GALNT7: variants seen among roughly 807,000 people sequenced by gnomAD.
GALNT7 encodes the protein polypeptide N-acetylgalactosaminyltransferase 7, also known as N-acetylgalactosaminyltransferase 7.
A neutral mutation model predicts 82.1 loss-of-function variants in GALNT7; 60 were observed. The ratio of observed to expected loss-of-function variants is 0.73; its 90% confidence interval spans 0.59 to 0.91. GALNT7 has a LOEUF of 0.91. Ranked by LOEUF, GALNT7 falls within the 40% of genes least tolerant of loss-of-function variation. The pLI, the probability that GALNT7 is intolerant of heterozygous loss-of-function variation, is 0.00. For synonymous variants in GALNT7, 243 were observed against 275.1 expected, an observed-to-expected ratio of 0.88 and a Z score of 1.15; for missense variants, 660 against 804.2, an observed-to-expected ratio of 0.82 and a Z score of 2.17.
At chr4:173,263,945 C>T (rs1561179899) in intron 2 of GALNT7, among the ~76,000 whole-genome samples, 1 of 152,164 alleles carries the variant, frequency 6.6e-6, no homozygotes, top group African/African-American at 2.4e-5. Flanking sequence ...TTCTAAACTG[C>T]TAGCTCATTG....
At chr4:173,296,520 C>T (rs1274590274) in intron 5 of GALNT7, among the ~76,000 whole-genome samples, 3 of 152,062 alleles carry the variant, frequency 2.0e-5, no homozygotes, top group Non-Finnish European at 4.4e-5. Flanking sequence ...ATGTGAAGGC[C>T]GAACATGAAC....
chr4:173,181,599 A>G lies in GALNT7; in HGVS notation c.126+12638A>G, dbSNP rs1163254868. 3.3e-5 allele frequency among the ~76,000 whole-genome samples: 5 copies of G among 152,342 alleles called. No homozygotes were observed. The South Asian group carries it at 8.3e-4, about 25-fold the overall frequency. On this transcript the variant is annotated intron_variant, in intron 1 of 11. Coordinates refer to ENST00000265000, the MANE Select transcript of GALNT7 (RefSeq NM_017423.3). ...TAGACTCTAAATCATGGCACATGTAACACTTCTATTTTAAAATAAATGTAG... is the reference window on the plus strand; with the variant it reads ...TAGACTCTAAATCATGGCACATGTAGCACTTCTATTTTAAAATAAATGTAG...
At chr4:173,213,042 A>T (rs1016154941) in intron 1 of GALNT7, among the ~76,000 whole-genome samples, 1 of 152,288 alleles carries the variant, frequency 6.6e-6, no homozygotes, top group African/African-American at 2.4e-5. Flanking sequence ...ACTGGGAAGT[A>T]TGAGTTACTA....
Position 173,317,739 on chromosome 4 carries a change from C to T in GALNT7, c.1707+7C>T, listed in dbSNP as rs149648286. 3.2e-6 allele frequency: 5 copies of T among 1,560,074 alleles called. No homozygotes were observed. Among genetic ancestry groups the T allele is most frequent in the Non-Finnish European group, 4.4e-6 (5 of 1,131,100 alleles). On this transcript the variant is annotated splice_region_variant and intron_variant, in intron 10 of 11. Transcript: ENST00000265000. Reference sequence around the variant, plus strand: ...CAGGATGGGAGGGAATCAGGTAAACCACCTTACTTTTGTGTTTAAGTTGTT... The same window carrying T: ...CAGGATGGGAGGGAATCAGGTAAACTACCTTACTTTTGTGTTTAAGTTGTT...
chr4:173,169,572 C>A (rs1453732395), intron 1 of GALNT7: 1 of 151,620 alleles, frequency 6.6e-6, no homozygotes, highest in African/African-American at 2.4e-5. Context: ...TTACGGAGAG[C>A]GCGCCTCCCC....
chr4:173,281,546 C>G (rs925374533), intron 2 of GALNT7, among the ~76,000 whole-genome samples: 1 of 152,166 alleles, frequency 6.6e-6, no homozygotes, highest in African/African-American at 2.4e-5. Context: ...CATGTGGAAA[C>G]GTCTGGGCTC....
At chr4:173,183,632 C>T (rs1231823157) in intron 1 of GALNT7, among the ~76,000 whole-genome samples, 3 of 152,166 alleles carry the variant, frequency 2.0e-5, no homozygotes, top group Admixed American at 6.5e-5. Flanking sequence ...AAACCGCCAT[C>T]GTCATCATGG....
At chr4:173,209,500 C>T (rs549265518) in intron 1 of GALNT7, among the ~76,000 whole-genome samples, 1 of 152,320 alleles carries the variant, frequency 6.6e-6, no homozygotes, top group African/African-American at 2.4e-5. Context: ...GAACATATAC[C>T]TTCACTGACA....
chr4:173,172,437 A>G (rs115290959), intron 1 of GALNT7, among the ~76,000 whole-genome samples: 2,070 of 151,970 alleles, frequency 0.014, 39 homozygotes, highest in East Asian at 0.057. Context: ...CACTTGCCCA[A>G]CTCCTGAGAT....
chr4:173,223,425 C>T (rs1207868139), intron 1 of GALNT7, among the ~76,000 whole-genome samples: 1 of 151,928 alleles, frequency 6.6e-6, no homozygotes, highest in East Asian at 1.9e-4. Flanking sequence ...CTAAGAGAAG[C>T]AAATCATACT....
chr4:173,268,733 G>T (rs1735606770), intron 2 of GALNT7, among the ~76,000 whole-genome samples: 2 of 150,852 alleles, frequency 1.3e-5, no homozygotes, highest in East Asian at 2.0e-4. Flanking sequence ...TAGAGATGGG[G>T]TTTCACCGTG....
intron 8 of GALNT7, among the ~76,000 whole-genome samples, chr4:173,307,750 TGCAGCCACAGA>T (rs1449048875): frequency 2.6e-5 from 4 of 152,166 alleles, no homozygotes; most frequent in Non-Finnish European, 4.4e-5. Context: ...GCAGGCCCAG[TGCAGCCACAGA>T]GCCTGGGGCT....
intron 1 of GALNT7, among the ~76,000 whole-genome samples, chr4:173,242,118 C>G (rs1734456503): frequency 1.3e-5 from 2 of 152,036 alleles, no homozygotes. Context: ...ACCTTGATTT[C>G]TTTTAGTGGA....
At chr4:173,261,648 C>G (rs1735267750) in intron 2 of GALNT7, among the ~76,000 whole-genome samples, 1 of 152,088 alleles carries the variant, frequency 6.6e-6, no homozygotes, top group Admixed American at 6.5e-5. Flanking sequence ...GAAACCTCAT[C>G]TCTACTAAAA....
At chr4:173,232,178 A>G (rs1734050446) in intron 1 of GALNT7, among the ~76,000 whole-genome samples, 1 of 152,120 alleles carries the variant, frequency 6.6e-6, no homozygotes, top group African/African-American at 2.4e-5. Flanking sequence ...GTGACTGACT[A>G]ATGAGTACAG....
chr4:173,313,820 G>T, intron 8 of GALNT7, 138 bp from the exon 9 acceptor site: 1 of 383,024 alleles, frequency 2.6e-6, no homozygotes, highest in Non-Finnish European at 4.5e-6. Context: ...ACTTGCATTT[G>T]TTGTTTAATT....
chr4:173,269,733 C>T (rs1204155864), intron 2 of GALNT7, among the ~76,000 whole-genome samples: 1 of 152,198 alleles, frequency 6.6e-6, no homozygotes, highest in East Asian at 1.9e-4. Context: ...CCTCCTCCTC[C>T]TCCTCCTCAA....
Position 173,267,037 on chromosome 4 carries a change from C to G in GALNT7, c.587+18597C>G, listed in dbSNP as rs575228525. Among the ~76,000 whole-genome samples, 27 of 151,972 alleles carry G rather than the reference C, an allele frequency of 1.8e-4. 1 individual carries two copies. The highest frequency in any genetic ancestry group is 1.0e-3 in the Admixed American group (16 of 15,264). ...TAGGACAGCAGGTGACCATAGTTAA[C>G]AACAATGTATTGTGTATTTCAAAAG... On this transcript the variant is annotated intron_variant, in intron 2 of 11. Coordinates refer to ENST00000265000, the MANE Select transcript of GALNT7 (RefSeq NM_017423.3).
At chr4:173,203,016 AT>A (rs111907982) in intron 1 of GALNT7, among the ~76,000 whole-genome samples, 7,100 of 141,648 alleles carry the variant, frequency 0.05, 298 homozygotes, top group African/African-American at 0.1. Context: ...ATTTTCATGG[AT>A]TTTTTTTTTT....
Sources: allele counts gnomAD v4.1 joint callset (sites outside exome capture counted in the v4.1 genomes callset), GRCh38; gene constraint gnomAD v4.1.1; transcripts MANE v1.5; gene names NCBI Gene and HGNC (gene_info 2026-07-23, HGNC 2026-07-21).